The following ANO9 variants were observed in gnomAD, a reference collection of about 807,000 sequenced individuals.
ANO9 encodes anoctamin 9.
In ANO9, 80 loss-of-function variants were observed where a neutral mutation model predicts 100.5. The ratio of observed to expected loss-of-function variants is 0.80; its 90% CI spans 0.66 to 0.96. The LOEUF (loss-of-function observed/expected upper bound fraction) is 0.96, where lower values mean the gene tolerates loss of function less well. Among genes scored for constraint, ANO9 ranks in the 40% least tolerant of loss-of-function variants. The pLI is 0.00. For synonymous variants in ANO9, 473 were observed against 435.6 expected, an observed-to-expected ratio of 1.09 and a Z score of -1.07; for missense variants, 1,064 against 1,072.7, an observed-to-expected ratio of 0.99 and a Z score of 0.11.
At chr11:440,857 C>T (rs7931783) in intron 1 of ANO9, among the ~76,000 whole-genome samples, 1,728 of 152,376 alleles carry the variant, frequency 0.011, 29 homozygotes, top group African/African-American at 0.032. Context: ...CCTCAGCTTC[C>T]GGAGTAGCCG....
chr11:423,150 T>A (rs530361909), intron 15 of ANO9, among the ~76,000 whole-genome samples: 1 of 152,132 alleles, frequency 6.6e-6, no homozygotes, highest in Admixed American at 6.5e-5. Flanking sequence ...TTTTTGGCAA[T>A]TTGACAAAAT....
chr11:419,849 C>A, intron 19 of ANO9, 120 bp from the exon 20 acceptor site: 1 of 1,478,908 alleles, frequency 6.8e-7, no homozygotes, highest in South Asian at 1.3e-5. Flanking sequence ...CCCCTTGCAG[C>A]CCTAGGGCTG....
In ANO9 at chr11:419,638, T is replaced by C; in HGVS notation, c.1878A>G (p.Arg626=). 6.2e-7 allele frequency: 1 copy of C among 1,613,552 alleles called. No individual in the cohort carries two copies. Among genetic ancestry groups the C allele is most frequent in the Non-Finnish European group, 8.5e-7 (1 of 1,179,888 alleles). ...GGCTATAGCGGTACTTGTAGACCACTCGGGGGATGAACTCAGATGTGAAGG... is the reference window on the plus strand; with the variant it reads ...GGCTATAGCGGTACTTGTAGACCACCCGGGGGATGAACTCAGATGTGAAGG... The part of the protein sequence containing the change: ...VIAFTSEFIP[R]VVYKYRYSPC... Residue 626 remains arginine, a synonymous_variant, in exon 20 of 23, where the codon CGA becomes CGG. Coordinates refer to ENST00000332826, the MANE Select transcript of ANO9 (RefSeq NM_001012302.3).
Position 436,758 on chromosome 11 carries a change from AAGCAGGGG to A in ANO9, c.7-2668_7-2661del. ...GGTGAGCAGGGGGTGAGCAGGGGGT[AAGCAGGGG>A]GTGAGCAGGGGGTGAGCTGGGGGTG... On this transcript the variant is annotated intron_variant, in intron 1 of 22. Coordinates refer to ENST00000332826, the MANE Select transcript of ANO9 (RefSeq NM_001012302.3). Among the ~76,000 whole-genome samples the A allele has an allele frequency of 4.9e-3, 2 of 408 alleles. 1 individual carries two copies. Among genetic ancestry groups the A allele is most frequent in the Admixed American group, 0.043 (2 of 46 alleles). 0.3% of individuals were successfully genotyped at this position (408 alleles called of 152,430 possible).
intron 1 of ANO9, among the ~76,000 whole-genome samples, chr11:439,986 G>A (rs1238834309): frequency 6.6e-6 from 1 of 152,250 alleles, no homozygotes; most frequent in Non-Finnish European, 1.5e-5. Context: ...GGCAGGTGAG[G>A]AGGCATGGAG....
intron 19 of ANO9, 199 bp downstream of exon 19, chr11:420,264 A>G: frequency 2.1e-6 from 3 of 1,427,158 alleles, no homozygotes; most frequent in African/African-American, 1.4e-5. Flanking sequence ...GAGCCTACAA[A>G]GCGCTCGGCC....
chr11:418,663 G>A (rs1433373054), intron 22 of ANO9, 57 bp downstream of exon 22: 3 of 1,610,900 alleles, frequency 1.9e-6, no homozygotes, highest in Non-Finnish European at 2.5e-6. Flanking sequence ...CCGGGGAGAA[G>A]GACTGGGGAG....
intron 20 of ANO9, 124 bp from the exon 21 acceptor site, chr11:419,113 G>A (rs888891150): frequency 1.3e-5 from 20 of 1,521,638 alleles, no homozygotes; most frequent in South Asian, 7.6e-5. Flanking sequence ...CACAGACTGC[G>A]TCCAGTGGGA....
chr11:418,223 A>C lies in ANO9; in HGVS notation c.*148T>G. The C allele has an allele frequency of 1.2e-6, 1 of 801,482 alleles. No homozygotes were observed. Among genetic ancestry groups the C allele is most frequent in the Non-Finnish European group, 1.9e-6 (1 of 521,482 alleles). The allele number at this position is 801,482 out of a possible 1,614,324, so 49.6% of individuals were successfully genotyped here. A position where few individuals can be genotyped will look rare whatever the true frequency, so the allele number is the denominator to read the frequency against. Reference sequence around the variant, plus strand: ...AGCAGGCGGAATAGGGTGGCAGCTCACAGCCCTGAACATACAGGGGATTCC... The same window carrying C: ...AGCAGGCGGAATAGGGTGGCAGCTCCCAGCCCTGAACATACAGGGGATTCC... On this transcript the variant is annotated 3_prime_UTR_variant, in exon 23 of 23. Coordinates refer to ENST00000332826, the MANE Select transcript of ANO9 (RefSeq NM_001012302.3).
chr11:421,126 C>T lies in ANO9; in HGVS notation c.1392+15G>A. The T allele has an allele frequency of 6.4e-7, 1 of 1,570,734 alleles. No individual in the cohort carries two copies. ...GTGGCTCAGGGACAGGGCATGAAGCCTGGGGGTGACTGACCTCTTCCAGCT... is the reference window on the plus strand; with the variant it reads ...GTGGCTCAGGGACAGGGCATGAAGCTTGGGGGTGACTGACCTCTTCCAGCT... On this transcript the variant is annotated intron_variant, in intron 16 of 22. Transcript: ENST00000332826. The surrounding 1 kb of genome is among the most constrained non-coding windows in gnomAD (Gnocchi z 6.8).
At position 421,015 on chromosome 11, in the gene ANO9, G is replaced by A; in HGVS notation, c.1420C>T (p.Leu474Phe). Residue 474 changes from leucine (L) to phenylalanine (F), a missense_variant, in exon 17 of 23, where the codon CTC becomes TTC. By Grantham distance (22) the Leu-to-Phe change is conservative (BLOSUM62 0). Coordinates refer to ENST00000332826, the MANE Select transcript of ANO9 (RefSeq NM_001012302.3). The surrounding 1 kb of genome is among the most constrained non-coding windows in gnomAD (Gnocchi z 6.8). ...ECHASGCMMD[L>F]FVQMAIIMGL... is the part of the protein sequence containing the mutation. ...ATGATGATGGCCATCTGCACGAAGA[G>A]GTCCATCATGCAGCCGCTGGCGTGG... 6.2e-7 allele frequency: 1 copy of A among 1,604,852 alleles called. No homozygotes were observed. The highest frequency in any genetic ancestry group is 1.1e-5 in the South Asian group (1 of 90,886).
At chr11:433,693 C>A in intron 3 of ANO9, 122 bp downstream of exon 3, 1 of 1,444,238 alleles carries the variant, frequency 6.9e-7, no homozygotes, top group South Asian at 1.4e-5. Flanking sequence ...CCCTCCGTGC[C>A]GCCATGACCG....
In ANO9 at chr11:421,117, G is replaced by T. The variant is rs1848156288; in HGVS notation, c.1392+24C>A. On this transcript the variant is annotated intron_variant, in intron 16 of 22. Coordinates refer to ENST00000332826, the MANE Select transcript of ANO9 (RefSeq NM_001012302.3). This position sits in a 1 kb window ranked among gnomAD's most constrained non-coding sequence, Gnocchi z 6.8. ...AGGGGAGCAGTGGCTCAGGGACAGGGCATGAAGCCTGGGGGTGACTGACCT... is the reference window on the plus strand; with the variant it reads ...AGGGGAGCAGTGGCTCAGGGACAGGTCATGAAGCCTGGGGGTGACTGACCT... 4 of 1,574,764 alleles carry T rather than the reference G, an allele frequency of 2.5e-6. No individual in the cohort carries two copies. The highest frequency in any genetic ancestry group is 2.3e-5 in the South Asian group (2 of 87,188).
At chr11:429,508 G>A (rs1043834068) in intron 11 of ANO9, 62 bp downstream of exon 11, 2 of 1,594,492 alleles carry the variant, frequency 1.3e-6, no homozygotes, top group Middle Eastern at 1.6e-4. Flanking sequence ...GCCGTGCAGG[G>A]CATCGGGCGC....
Position 418,529 on chromosome 11 carries a change from C to T in ANO9, c.2191G>A (p.Val731Met). 1 of 1,613,180 alleles carries T rather than the reference C, an allele frequency of 6.2e-7. No homozygotes were observed. The highest frequency in any genetic ancestry group is 1.1e-5 in the South Asian group (1 of 91,086). ...AWFVPDIPQS[V>M]KNKVLEVKYQ... ...TTCACCTCCAGAACCTTGTTCTTCA[C>T]CGACTGAGGGATGTCGGGCACGAAC... The change falls in exon 23 of 23, where the codon GTG (valine) becomes ATG (methionine). Residue 731 changes from valine to methionine, a missense_variant. Val to Met is a conservative substitution (Grantham distance 21). Coordinates refer to ENST00000332826, the MANE Select transcript of ANO9 (RefSeq NM_001012302.3).
chr11:439,482 G>T (rs1845676406), intron 1 of ANO9, among the ~76,000 whole-genome samples: 1 of 130,368 alleles, frequency 7.7e-6, no homozygotes, highest in Non-Finnish European at 1.6e-5. Flanking sequence ...TGGCCAGGGG[G>T]TCCCATGACG....
chr11:433,192 G>T, intron 4 of ANO9, 122 bp downstream of exon 4: 1 of 1,380,320 alleles, frequency 7.2e-7, no homozygotes, highest in South Asian at 1.5e-5. Context: ...CCTGCCCTGA[G>T]ACCACACGGC....
At position 418,706 on chromosome 11, in the gene ANO9, C is replaced by T. The variant is rs1014072629; in HGVS notation, c.2130+14G>A. 49 of 1,612,636 alleles carry T rather than the reference C, an allele frequency of 3.0e-5. No homozygotes were observed. The highest frequency in any genetic ancestry group is 6.7e-5 in the East Asian group (3 of 44,894). ...CCCAGACCCACTCCGAGGCCTCTCC[C>T]GGTTCTGGCTCACCTCAAAGAGGAT... is the stretch of plus-strand genomic sequence containing the variant. On this transcript the variant is annotated intron_variant, in intron 22 of 22. Coordinates refer to ENST00000332826, the MANE Select transcript of ANO9 (RefSeq NM_001012302.3).
At chr11:439,685 G>T (rs1845703253) in intron 1 of ANO9, among the ~76,000 whole-genome samples, 1 of 150,138 alleles carries the variant, frequency 6.7e-6, no homozygotes, top group South Asian at 2.1e-4. Context: ...ATCCACAGAG[G>T]GTCCCCTTCT....
Sources: allele counts gnomAD v4.1 joint callset (sites outside exome capture counted in the v4.1 genomes callset), GRCh38; gene constraint gnomAD v4.1.1; non-coding constraint Gnocchi (gnomAD v3.1); transcripts MANE v1.5; gene names NCBI Gene and HGNC (gene_info 2026-07-23, HGNC 2026-07-21).